Variants in SMOC1 observed in about 807,000 individuals in gnomAD.
The protein encoded by SMOC1 is SPARC related modular calcium binding 1, also known as SPARC-related modular calcium-binding protein 1.
Under a neutral mutation model 56.3 loss-of-function variants are expected in SMOC1, and 22 were observed. The ratio of observed to expected loss-of-function variants is 0.39; its 90% CI spans 0.28 to 0.56. The LOEUF is 0.56. Among genes scored for constraint, SMOC1 ranks in the 20% least tolerant of loss-of-function variants. The pLI, the probability that SMOC1 is intolerant of heterozygous loss-of-function variation, is 0.61. For missense variants in SMOC1, 509 were observed against 565.4 expected (o/e 0.90, Z 1.01); for synonymous variants, 193 against 215.0 (o/e 0.90, Z 0.89).
At chr14:70,000,567 C>T (rs761012710) in intron 7 of SMOC1, among the ~76,000 whole-genome samples, 2 of 152,072 alleles carry the variant, frequency 1.3e-5, no homozygotes, top group African/African-American at 2.4e-5. Context: ...AAAATTTGAG[C>T]GGGTGCGAGT....
intron 7 of SMOC1, among the ~76,000 whole-genome samples, chr14:70,007,128 A>G (rs1314287233): frequency 6.6e-6 from 1 of 152,248 alleles, no homozygotes. Flanking sequence ...GATCTTGCAG[A>G]GGTGAAGCAC....
rs1249202591 is a variant in SMOC1, at chr14:69,992,601, G to T, written c.583+128G>T. On this transcript the variant is annotated intron_variant, in intron 6 of 11. Transcript: ENST00000361956. ...TCTTTTTTAATTTCAATTTTTCCCA[G>T]TGTAAGCTGGGTTGTTTTAACCTTT... 8 of 803,650 alleles carry T rather than the reference G, an allele frequency of 1.0e-5. No homozygotes were observed. In the East Asian group the frequency reaches 1.4e-4, roughly 14 times the overall value. 49.8% of individuals were successfully genotyped at this position (803,650 alleles called of 1,614,324 possible).
chr14:69,979,047 C>T (rs1884080449), intron 5 of SMOC1, among the ~76,000 whole-genome samples: 1 of 151,976 alleles, frequency 6.6e-6, no homozygotes. Context: ...GAGTTTGGGG[C>T]TTCCCACCTG....
intron 1 of SMOC1, among the ~76,000 whole-genome samples, chr14:69,927,852 C>T (rs1885051634): frequency 6.6e-6 from 1 of 152,116 alleles, no homozygotes; most frequent in African/African-American, 2.4e-5. Context: ...CTGAGCATTC[C>T]GCAGGGACTT....
intron 5 of SMOC1, among the ~76,000 whole-genome samples, chr14:69,983,318 T>C (rs1173062362): frequency 6.6e-6 from 1 of 152,382 alleles, no homozygotes; most frequent in African/African-American, 2.4e-5. Context: ...TTGGTGCTTT[T>C]ACTCAGCAAA....
intron 5 of SMOC1, among the ~76,000 whole-genome samples, chr14:69,980,559 A>ACC (rs1160086212): frequency 1.3e-5 from 2 of 152,178 alleles, no homozygotes; most frequent in Non-Finnish European, 2.9e-5. Flanking sequence ...CTGAAGCCAC[A>ACC]CCTGTCCAGG....
chr14:69,947,849 T>C (rs1882846617), intron 1 of SMOC1, among the ~76,000 whole-genome samples: 1 of 152,246 alleles, frequency 6.6e-6, no homozygotes, highest in Admixed American at 6.5e-5. Flanking sequence ...AGCACAGATA[T>C]AGAACATGTC....
chr14:69,998,048 G>A (rs942273293), intron 7 of SMOC1, among the ~76,000 whole-genome samples: 6 of 152,176 alleles, frequency 3.9e-5, no homozygotes, highest in Non-Finnish European at 8.8e-5. Context: ...ATGTTGGAAA[G>A]GTTCCACTGG....
At chr14:69,881,436 C>T (rs1594783641) in intron 1 of SMOC1, among the ~76,000 whole-genome samples, 1 of 150,876 alleles carries the variant, frequency 6.6e-6, no homozygotes, top group East Asian at 2.0e-4. Flanking sequence ...TATGGCTCTC[C>T]TTCCTGGCCT....
At chr14:69,920,320 A>T (rs939637822) in intron 1 of SMOC1, among the ~76,000 whole-genome samples, 1 of 152,210 alleles carries the variant, frequency 6.6e-6, no homozygotes, top group Non-Finnish European at 1.5e-5. Flanking sequence ...TGGATGTATT[A>T]CTGCCGTTTA....
At chr14:70,007,625 G>C (rs911534421) in intron 7 of SMOC1, among the ~76,000 whole-genome samples, 1 of 152,198 alleles carries the variant, frequency 6.6e-6, no homozygotes, top group African/African-American at 2.4e-5. Flanking sequence ...AGGCAACACT[G>C]TCTAGAGGTT....
At chr14:69,950,452 A>G (rs1404047121) in intron 1 of SMOC1, among the ~76,000 whole-genome samples, 1 of 152,272 alleles carries the variant, frequency 6.6e-6, no homozygotes, top group African/African-American at 2.4e-5. Flanking sequence ...CAAAGGGCCC[A>G]CAAATACATT....
intron 1 of SMOC1, among the ~76,000 whole-genome samples, chr14:69,949,191 A>G (rs1027607840): frequency 1.3e-5 from 2 of 152,174 alleles, no homozygotes; most frequent in East Asian, 1.9e-4. Flanking sequence ...CCCACGTGCA[A>G]TGCAGAAGTG....
At chr14:69,923,703 CT>C (rs1884913035) in intron 1 of SMOC1, among the ~76,000 whole-genome samples, 1 of 152,212 alleles carries the variant, frequency 6.6e-6, no homozygotes, top group African/African-American at 2.4e-5. Context: ...GATTTGACAT[CT>C]TCATTTAGCT....
At chr14:69,964,217 G>A (rs1316150904) in intron 3 of SMOC1, among the ~76,000 whole-genome samples, 2 of 151,682 alleles carry the variant, frequency 1.3e-5, no homozygotes, top group Non-Finnish European at 2.9e-5. Flanking sequence ...TTGTGGAAAT[G>A]AAAGGAGTGA....
At chr14:69,938,911 C>A (rs1882439583) in intron 1 of SMOC1, among the ~76,000 whole-genome samples, 1 of 152,178 alleles carries the variant, frequency 6.6e-6, no homozygotes, top group Non-Finnish European at 1.5e-5. Context: ...AGTGATTGTG[C>A]CCTCCAAACG....
chr14:69,949,183 C>G (rs909542841), intron 1 of SMOC1, among the ~76,000 whole-genome samples: 1 of 152,130 alleles, frequency 6.6e-6, no homozygotes, highest in African/African-American at 2.4e-5. Flanking sequence ...CACCTCTGCC[C>G]ACGTGCAATG....
At chr14:70,009,680 A>G (rs1220365228) in intron 7 of SMOC1, among the ~76,000 whole-genome samples, 1 of 152,238 alleles carries the variant, frequency 6.6e-6, no homozygotes. Flanking sequence ...AAATAAAGTA[A>G]TAGTACAGGT....
chr14:69,929,530 G>A (rs1457904176), intron 1 of SMOC1, among the ~76,000 whole-genome samples: 1 of 152,190 alleles, frequency 6.6e-6, no homozygotes, highest in Non-Finnish European at 1.5e-5. Context: ...TAACTACTGT[G>A]CTACGTTGGC....
Sources: allele counts gnomAD v4.1 joint callset (sites outside exome capture counted in the v4.1 genomes callset), GRCh38; gene constraint gnomAD v4.1.1; transcripts MANE v1.5; gene names NCBI Gene and HGNC (gene_info 2026-07-23, HGNC 2026-07-21).